The following WDR97 variants were observed in gnomAD, a reference collection of about 807,000 sequenced individuals.
WDR97 encodes the protein WD repeat-containing protein 97.
A neutral mutation model predicts 65.4 loss-of-function variants in WDR97; 111 were observed. That is an observed-to-expected ratio of 1.70 (90% CI 1.45 to 1.99). WDR97 has a LOEUF of 1.99. WDR97 is among the 30% of genes most tolerant of loss of function. The pLI is 0.00. For synonymous variants in WDR97, 802 were observed against 397.7 expected (o/e 2.02, Z -12.10); for missense variants, 1,674 against 865.0 (o/e 1.94, Z -11.73).
In WDR97 at chr8:144,111,993, C is replaced by A. The variant is rs766307777; in HGVS notation, c.2744C>A (p.Ala915Asp). The A allele has an allele frequency of 2.8e-6, 2 of 702,656 alleles. No homozygotes were observed. The highest frequency in any genetic ancestry group is 5.2e-6 in the Non-Finnish European group (2 of 384,982). The allele number at this position is 702,656 out of a possible 1,614,324, so 43.5% of individuals were successfully genotyped here. ...CAVPQAAHCL[A>D]RAEVSTAAQT... ...GTACCCCAAGCTGCCCACTGTCTTG[C>A]CCGGGCTGAGGTCAGCACTGCAGCC... The change falls in exon 13 of 24, where the codon GCC becomes GAC. Residue 915 changes from alanine (A) to aspartate (D), a missense_variant. By Grantham distance (126) the Ala-to-Asp change is moderately radical. Transcript: ENST00000323662.
rs1451167837 is a variant in WDR97 at position 144,113,845 on chromosome 8, C to T, written c.3372C>T (p.Ser1124=). 1.4e-6 allele frequency: 1 copy of T among 698,158 alleles called. No individual in the cohort carries two copies. Among genetic ancestry groups the T allele is most frequent in the Non-Finnish European group, 2.6e-6 (1 of 381,882 alleles). 43.2% of individuals were successfully genotyped at this position (698,158 alleles called of 1,614,324 possible). The change falls in exon 17 of 24, where the codon TCC becomes TCT. Residue 1124 remains serine (S), a synonymous_variant. Transcript: ENST00000323662. ...DWALASLSPH[S]NQQLDSWELE... ...CCTTGGCTTCCCTGAGCCCGCACTC[C>T]AACCAGCAGCTGGATTCCTGGGAAC...
Position 144,111,867 on chromosome 8 carries a change from C to G in WDR97, c.2638-20C>G, listed in dbSNP as rs1434702332. 1 of 675,720 alleles carries G rather than the reference C, an allele frequency of 1.5e-6. No homozygotes were observed. Among genetic ancestry groups the G allele is most frequent in the South Asian group, 1.5e-5 (1 of 67,282 alleles). 41.9% of individuals were successfully genotyped at this position (675,720 alleles called of 1,614,324 possible). A position where few individuals can be genotyped will look rare whatever the true frequency, so the allele number is the denominator to read the frequency against. Reference sequence around the variant, plus strand: ...TCCCACCTGGTCTCTGATGGTCTGTCTGCTCCTGCTACCTCCCAGGGCATG... The same window carrying G: ...TCCCACCTGGTCTCTGATGGTCTGTGTGCTCCTGCTACCTCCCAGGGCATG... On this transcript the variant is annotated intron_variant, in intron 12 of 23. Transcript: ENST00000323662.
chr8:144,115,964 G>A lies in WDR97; in HGVS notation c.4617G>A (p.Leu1539=). The A allele has an allele frequency of 2.9e-6, 2 of 701,080 alleles. No homozygotes were observed. The highest frequency in any genetic ancestry group is 2.7e-4 in the Middle Eastern group (1 of 3,734). The allele number at this position is 701,080 out of a possible 1,614,324, so 43.4% of individuals were successfully genotyped here. A position where few individuals can be genotyped will look rare whatever the true frequency, so the allele number is the denominator to read the frequency against. ...REHWYHPILR[L]QEAKPQRSAR... The stretch of plus-strand genomic sequence containing the variant: ...CCAGGTACCACCCCATCCTCCGGCT[G>A]CAGGAGGCCAAGCCGCAGAGGTCCG... The change falls in exon 23 of 24, where the codon CTG becomes CTA. Residue 1539 remains leucine (L), a synonymous_variant. Transcript: ENST00000323662.
intron 3 of WDR97, 47 bp downstream of exon 3, chr8:144,108,991 GC>G (rs1383443363): frequency 2.8e-6 from 2 of 702,956 alleles, no homozygotes; most frequent in Non-Finnish European, 5.2e-6. Flanking sequence ...GGGGCACACG[GC>G]CCTCACACAC....
Position 144,110,530 on chromosome 8 carries a change from C to T in WDR97, c.2033C>T (p.Pro678Leu), listed in dbSNP as rs868384109. ...GTGCAGTTTGGCCTGGGCGACAGTC[C>T]GCGATTAGACCACCGGCCCCAGGAC... The part of the protein sequence containing the change: ...GLVQFGLGDS[P>L]RLDHRPQDDP... The change falls in exon 7 of 24, where the codon CCG (proline) becomes CTG (leucine). Residue 678 changes from proline to leucine, a missense_variant. Coordinates refer to ENST00000323662, the MANE Select transcript of WDR97 (RefSeq NM_001316309.2). 1 of 702,874 alleles carries T rather than the reference C, an allele frequency of 1.4e-6. No individual in the cohort carries two copies. The highest frequency in any genetic ancestry group is 1.5e-5 in the South Asian group (1 of 67,596). 43.5% of individuals were successfully genotyped at this position (702,874 alleles called of 1,614,324 possible).
rs546999433 is a variant in WDR97 at position 144,116,211 on chromosome 8, G to A, written c.4787G>A (p.Arg1596His). Reference protein sequence around the residue: ...PFPLDWPMPPRPLPPRLLQPA... With the variant: ...PFPLDWPMPPHPLPPRLLQPA... Reference sequence around the variant, plus strand: ...CCCCTGGACTGGCCTATGCCCCCGCGCCCGCTGCCCCCGCGGCTCCTGCAG... The same window carrying A: ...CCCCTGGACTGGCCTATGCCCCCGCACCCGCTGCCCCCGCGGCTCCTGCAG... Residue 1596 changes from arginine to histidine, a missense_variant, in exon 24 of 24, where the codon CGC (arginine) becomes CAC (histidine). Physicochemically the swap from Arg to His is conservative, Grantham distance 29. Coordinates refer to ENST00000323662, the MANE Select transcript of WDR97 (RefSeq NM_001316309.2). 99 of 687,170 alleles carry A rather than the reference G, an allele frequency of 1.4e-4. No individual in the cohort carries two copies. Among genetic ancestry groups the A allele is most frequent in the African/African-American group, 1.3e-3 (73 of 56,468 alleles). The allele number at this position is 687,170 out of a possible 1,614,324, so 42.6% of individuals were successfully genotyped here. A position where few individuals can be genotyped will look rare whatever the true frequency, so the allele number is the denominator to read the frequency against.
rs927607089 is a variant in WDR97 at position 144,115,676 on chromosome 8, C to T, written c.4413C>T (p.Thr1471=). ...LPGEPPPLEE[T]DWSHSQLLDL... The stretch of plus-strand genomic sequence containing the variant: ...GAGAGCCGCCGCCGCTGGAGGAGAC[C>T]GACTGGTCGCACTCGCAGCTGCTGG... The change falls in exon 22 of 24, where the codon ACC becomes ACT. Residue 1471 remains threonine, a synonymous_variant. Transcript: ENST00000323662. 1.9e-5 allele frequency: 13 copies of T among 698,980 alleles called. No homozygotes were observed. The highest frequency in any genetic ancestry group is 1.7e-4 in the African/African-American group (10 of 57,164). 43.3% of individuals were successfully genotyped at this position (698,980 alleles called of 1,614,324 possible).
rs775303691 is a variant in WDR97, at chr8:144,107,802, G to T, written c.52G>T (p.Asp18Tyr). 1.4e-6 allele frequency: 1 copy of T among 702,868 alleles called. No individual in the cohort carries two copies. The highest frequency in any genetic ancestry group is 2.6e-6 in the Non-Finnish European group (1 of 384,998). The allele number at this position is 702,868 out of a possible 1,614,324, so 43.5% of individuals were successfully genotyped here. A position where few individuals can be genotyped will look rare whatever the true frequency, so the allele number is the denominator to read the frequency against. The change falls in exon 1 of 24, where the codon GAC becomes TAC. Residue 18 changes from aspartate (D) to tyrosine (Y), a missense_variant. Transcript: ENST00000323662. ...AEGYNLVLDS[D>Y]LYDADGYDVP... Reference sequence around the variant, plus strand: ...AGGCTACAACCTAGTTCTGGACTCGGACCTGTATGATGCGGATGGCTATGA... The same window carrying T: ...AGGCTACAACCTAGTTCTGGACTCGTACCTGTATGATGCGGATGGCTATGA...
In WDR97 at chr8:144,109,554, A is replaced by T. The variant is rs1490639375; in HGVS notation, c.1220A>T (p.Gln407Leu). The change falls in exon 5 of 24, where the codon CAG becomes CTG. Residue 407 changes from glutamine to leucine, a missense_variant. Physicochemically the swap from Gln to Leu is moderately radical, Grantham distance 113. Coordinates refer to ENST00000323662, the MANE Select transcript of WDR97 (RefSeq NM_001316309.2). ...PVLSLCASSMQLWRVRELYSP... is the reference protein window; with the variant it reads ...PVLSLCASSMLLWRVRELYSP... Reference sequence around the variant, plus strand: ...CTGTCCCTGTGCGCGAGCAGCATGCAGCTGTGGCGCGTACGCGAGCTCTAC... The same window carrying T: ...CTGTCCCTGTGCGCGAGCAGCATGCTGCTGTGGCGCGTACGCGAGCTCTAC... The T allele has an allele frequency of 4.3e-6, 3 of 696,586 alleles. No individual in the cohort carries two copies. In the African/African-American group the frequency reaches 5.3e-5, roughly 12 times the overall value. The allele number at this position is 696,586 out of a possible 1,614,324, so 43.2% of individuals were successfully genotyped here.
chr8:144,109,584 C>G lies in WDR97; in HGVS notation c.1250C>G (p.Pro417Arg), dbSNP rs866172476. ...QLWRVRELYS[P>R]LAQLPAKVLH... is the part of the protein sequence containing the mutation. ...TGGCGCGTACGCGAGCTCTACTCGC[C>G]GTTGGCGCAACTGCCCGCCAAGGTG... Residue 417 changes from proline (P) to arginine (R), a missense_variant, in exon 5 of 24, where the codon CCG becomes CGG. Physicochemically the swap from Pro to Arg is moderately radical, Grantham distance 103. Coordinates refer to ENST00000323662, the MANE Select transcript of WDR97 (RefSeq NM_001316309.2). 58 of 691,708 alleles carry G rather than the reference C, an allele frequency of 8.4e-5. No homozygotes were observed. In the African/African-American group the frequency reaches 9.7e-4, roughly 12 times the overall value. 42.8% of individuals were successfully genotyped at this position (691,708 alleles called of 1,614,324 possible).
Position 144,110,383 on chromosome 8 carries a change from C to T in WDR97, c.1886C>T (p.Ala629Val), listed in dbSNP as rs764575653. ...AAGATGTGGCGCGTCTTCCCCTATGCCGAAGAGAGCCTGAGCCTGCTGCGC... is the reference window on the plus strand; with the variant it reads ...AAGATGTGGCGCGTCTTCCCCTATGTCGAAGAGAGCCTGAGCCTGCTGCGC... ...TVKMWRVFPY[A>V]EESLSLLRTF... Residue 629 changes from alanine to valine, a missense_variant, in exon 7 of 24, where the codon GCC becomes GTC. By Grantham distance (64) the Ala-to-Val change is moderately conservative. Transcript: ENST00000323662. 5.7e-6 allele frequency: 4 copies of T among 702,974 alleles called. No individual in the cohort carries two copies. Among genetic ancestry groups the T allele is most frequent in the Non-Finnish European group, 1.0e-5 (4 of 384,980 alleles). 43.5% of individuals were successfully genotyped at this position (702,974 alleles called of 1,614,324 possible).
rs1382764960 is a variant in WDR97, at chr8:144,108,639, G to C, written c.573G>C (p.Val191=). 1 of 700,484 alleles carries C rather than the reference G, an allele frequency of 1.4e-6. No individual in the cohort carries two copies. The allele number at this position is 700,484 out of a possible 1,614,324, so 43.4% of individuals were successfully genotyped here. A position where few individuals can be genotyped will look rare whatever the true frequency, so the allele number is the denominator to read the frequency against. The change falls in exon 3 of 24, where the codon GTG becomes GTC. Residue 191 remains valine (V), a synonymous_variant. Coordinates refer to ENST00000323662, the MANE Select transcript of WDR97 (RefSeq NM_001316309.2). ...LSLLWLSEQG[V]GRAPGWAPTC... ...TGCTGTGGCTGAGCGAGCAGGGGGT[G>C]GGCAGGGCCCCGGGTTGGGCGCCCA...
rs568081053 is a variant in WDR97, at chr8:144,109,672, C to A, written c.1338C>A (p.Leu446=). The A allele has an allele frequency of 1.8e-4, 122 of 666,870 alleles. No homozygotes were observed. The African/African-American group carries it at 2.1e-3, about 11-fold the overall frequency. The allele number at this position is 666,870 out of a possible 1,614,324, so 41.3% of individuals were successfully genotyped here. A position where few individuals can be genotyped will look rare whatever the true frequency, so the allele number is the denominator to read the frequency against. ...CGCACCAGTCGCTGCCTACGCGCCT[C>A]GTGTGCGCGTGCGCCGACGGCTCGG... ...APAHQSLPTR[L]VCACADGSVY... The change falls in exon 5 of 24, where the codon CTC becomes CTA. Residue 446 remains leucine (L), a synonymous_variant. Transcript: ENST00000323662.
In WDR97 at chr8:144,116,336, T is replaced by C. The variant is rs908648351; in HGVS notation, c.*43T>C. On this transcript the variant is annotated 3_prime_UTR_variant, in exon 24 of 24. Coordinates refer to ENST00000323662, the MANE Select transcript of WDR97 (RefSeq NM_001316309.2). ...GCCCGCCTGGCTCTGGGGCCTGTCA[T>C]TGGTATTTGGCCAAGGCCTGCATCG... is the stretch of plus-strand genomic sequence containing the variant. The C allele has an allele frequency of 2.6e-5, 15 of 586,830 alleles. No individual in the cohort carries two copies. The East Asian group carries it at 2.6e-4, about 10-fold the overall frequency. 36.4% of individuals were successfully genotyped at this position (586,830 alleles called of 1,614,324 possible).
At position 144,117,599 on chromosome 8, in the gene WDR97, C is replaced by CTGTTTTT. The variant is rs1814790573; in HGVS notation, c.*1312_*1313insTTGTTTT. On this transcript the variant is annotated 3_prime_UTR_variant, in exon 24 of 24. Coordinates refer to ENST00000323662, the MANE Select transcript of WDR97 (RefSeq NM_001316309.2). ...GGTCAGAGGATTTCTTTATGGCTAT[C>CTGTTTTT]TGTTTTGTTTTGTTTTGTTTTGTTT... 6.6e-6 allele frequency: 1 copy of CTGTTTTT among 151,574 alleles called. No individual in the cohort carries two copies. The highest frequency in any genetic ancestry group is 2.5e-5 in the African/African-American group (1 of 40,698). 9.4% of individuals were successfully genotyped at this position (151,574 alleles called of 1,614,324 possible). A position where few individuals can be genotyped will look rare whatever the true frequency, so the allele number is the denominator to read the frequency against.
intron 2 of WDR97, 29 bp downstream of exon 2, chr8:144,108,224 G>C (rs1004159432): frequency 1.0e-5 from 7 of 696,396 alleles, no homozygotes; most frequent in Non-Finnish European, 1.8e-5. Context: ...GCGCCTCCTG[G>C]CCTCTTTCCG....
In WDR97 at chr8:144,114,461, C is replaced by T. The variant is rs1315259835; in HGVS notation, c.3778C>T (p.Pro1260Ser). 2.8e-6 allele frequency: 2 copies of T among 702,560 alleles called. No homozygotes were observed. The highest frequency in any genetic ancestry group is 2.3e-4 in the Middle Eastern group (1 of 4,370). 43.5% of individuals were successfully genotyped at this position (702,560 alleles called of 1,614,324 possible). The change falls in exon 19 of 24, where the codon CCC becomes TCC. Residue 1260 changes from proline to serine, a missense_variant. By Grantham distance (74) the Pro-to-Ser change is moderately conservative (BLOSUM62 -1). Coordinates refer to ENST00000323662, the MANE Select transcript of WDR97 (RefSeq NM_001316309.2). ...LLVHLLNLDQ[P>S]PSLQDQTQKK... Reference sequence around the variant, plus strand: ...CGTACACTTGCTCAACCTGGACCAGCCCCCCAGCCTCCAGGTGTGCCCCTT... The same window carrying T: ...CGTACACTTGCTCAACCTGGACCAGTCCCCCAGCCTCCAGGTGTGCCCCTT...
intron 15 of WDR97, 85 bp from the exon 16 acceptor site, chr8:144,113,355 T>C: frequency 1.4e-6 from 1 of 691,882 alleles, no homozygotes. Flanking sequence ...GCTGAGGGGC[T>C]CTGAGAGGTT....
rs770057444 is a variant in WDR97 at position 144,108,857 on chromosome 8, G to A, written c.791G>A (p.Arg264His). 1.4e-5 allele frequency: 10 copies of A among 702,814 alleles called. 1 individual carries two copies. Among genetic ancestry groups the A allele is most frequent in the African/African-American group, 8.7e-5 (5 of 57,260 alleles). The allele number at this position is 702,814 out of a possible 1,614,324, so 43.5% of individuals were successfully genotyped here. A position where few individuals can be genotyped will look rare whatever the true frequency, so the allele number is the denominator to read the frequency against. The part of the protein sequence containing the change: ...VAPVPPHHVL[R>H]CFAAYGSAVL... ...CCGGTTCCTCCCCACCACGTCCTGC[G>A]CTGCTTCGCGGCCTATGGCTCGGCC... The change falls in exon 3 of 24, where the codon CGC becomes CAC. Residue 264 changes from arginine (R) to histidine (H), a missense_variant. Arg to His is a conservative substitution (Grantham distance 29). Transcript: ENST00000323662.
Sources: allele counts gnomAD v4.1 joint callset, GRCh38; gene constraint gnomAD v4.1.1; transcripts MANE v1.5; gene names NCBI Gene and HGNC (gene_info 2026-07-23, HGNC 2026-07-21).